PRUNE1: variants seen among roughly 807,000 people sequenced by gnomAD.
PRUNE1 encodes exopolyphosphatase PRUNE1.
In PRUNE1, 25 loss-of-function variants were observed where a neutral mutation model predicts 42.5. The observed-to-expected ratio is 0.59, with a 90% CI of 0.43 to 0.82. The LOEUF (loss-of-function observed/expected upper bound fraction) is 0.82. PRUNE1 is among the 40% of genes least tolerant of loss of function. The pLI is 0.00. For missense variants in PRUNE1, 443 were observed against 539.3 expected (o/e 0.82, Z 1.77); for synonymous variants, 203 against 217.1 (o/e 0.93, Z 0.57).
intron 1 of PRUNE1, among the ~76,000 whole-genome samples, chr1:151,015,505 G>A (rs1467092747): frequency 6.6e-6 from 1 of 151,372 alleles, no homozygotes; most frequent in African/African-American, 2.4e-5. Context: ...ATGGTGGCAT[G>A]TGCCTGTAAT....
intron 7 of PRUNE1, among the ~76,000 whole-genome samples, chr1:151,032,244 CA>C (rs11452561): frequency 0.072 from 10,363 of 144,664 alleles, 1,134 homozygotes; most frequent in African/African-American, 0.24. Flanking sequence ...GAATCCATTT[CA>C]AAAAAAAAAA....
intron 6 of PRUNE1, among the ~76,000 whole-genome samples, chr1:151,027,786 G>GCGCA (rs1553254129): frequency 5.5e-5 from 8 of 146,742 alleles, no homozygotes; most frequent in African/African-American, 2.0e-4. Flanking sequence ...GTGTGTGCGC[G>GCGCA]CGCGTGTATG....
intron 3 of PRUNE1, among the ~76,000 whole-genome samples, chr1:151,022,453 C>A (rs1348988385): frequency 7.7e-6 from 1 of 129,330 alleles, no homozygotes; most frequent in Non-Finnish European, 1.6e-5. Context: ...TAGTCTCGCT[C>A]TGTCGCCCAG....
rs148392030 is a variant in PRUNE1, at chr1:151,034,537, G to T, written c.*303G>T. On this transcript the variant is annotated 3_prime_UTR_variant, in exon 8 of 8. Coordinates refer to ENST00000271620, the MANE Select transcript of PRUNE1 (RefSeq NM_021222.3). ...CAGTCCCAGCACAGTGGGACAAAAA[G>T]AATTTAGACCCCAAAAGTGTCCTCG... 9.2e-4 allele frequency: 304 copies of T among 328,738 alleles called. No homozygotes were observed. Among genetic ancestry groups the T allele is most frequent in the African/African-American group, 5.8e-3 (282 of 48,498 alleles). The allele number at this position is 328,738 out of a possible 1,614,324, so 20.4% of individuals were successfully genotyped here.
intron 3 of PRUNE1, among the ~76,000 whole-genome samples, chr1:151,018,984 A>G (rs587753725): frequency 6.6e-6 from 1 of 152,328 alleles, no homozygotes; most frequent in South Asian, 2.1e-4. Context: ...TGGTGGTTGC[A>G]GTGAGCCGAG....
At chr1:151,029,517 G>A (rs910364144) in intron 7 of PRUNE1, among the ~76,000 whole-genome samples, 4 of 151,464 alleles carry the variant, frequency 2.6e-5, no homozygotes, top group Admixed American at 6.6e-5. Flanking sequence ...ACAGGCGCCC[G>A]CCACCACGCC....
intron 6 of PRUNE1, among the ~76,000 whole-genome samples, chr1:151,027,745 C>CGTGTG: frequency 1.6e-5 from 2 of 126,078 alleles, no homozygotes; most frequent in South Asian, 6.8e-4. Context: ...CCACACCTAA[C>CGTGTG]TAGTGTGTGT....
At chr1:151,029,365 G>GTTTTTTT (rs34073279) in intron 7 of PRUNE1, among the ~76,000 whole-genome samples, 1 of 85,826 alleles carries the variant, frequency 1.2e-5, no homozygotes, top group African/African-American at 3.8e-5. Context: ...AAGCTGGAAA[G>GTTTTTTT]TTTTTTTTTT....
At chr1:151,019,686 A>G (rs1674305169) in intron 3 of PRUNE1, among the ~76,000 whole-genome samples, 1 of 151,324 alleles carries the variant, frequency 6.6e-6, no homozygotes, top group Non-Finnish European at 1.5e-5. Context: ...TTTTTTTTAG[A>G]GAAGAGGGTC....
intron 1 of PRUNE1, among the ~76,000 whole-genome samples, chr1:151,012,770 T>C (rs1382383813): frequency 1.3e-5 from 2 of 151,932 alleles, no homozygotes; most frequent in Non-Finnish European, 2.9e-5. Flanking sequence ...ATTATTCTCA[T>C]TTTTTTTGTT....
chr1:151,016,586 C>T (rs1674115486), intron 1 of PRUNE1, among the ~76,000 whole-genome samples: 2 of 151,992 alleles, frequency 1.3e-5, no homozygotes, highest in East Asian at 3.9e-4. Flanking sequence ...ACTGCAACCT[C>T]CGTCTGCCGG....
At chr1:151,031,799 T>C (rs1382643188) in intron 7 of PRUNE1, among the ~76,000 whole-genome samples, 4 of 152,200 alleles carry the variant, frequency 2.6e-5, no homozygotes, top group Non-Finnish European at 5.9e-5. Context: ...ATTTATACAC[T>C]TGGAAACGAC....
Position 151,008,549 on chromosome 1 carries a change from C to T in PRUNE1, c.-84C>T. 1 of 1,526,314 alleles carries T rather than the reference C, an allele frequency of 6.6e-7. No homozygotes were observed. The highest frequency in any genetic ancestry group is 9.1e-7 in the Non-Finnish European group (1 of 1,100,296). The allele number at this position is 1,526,314 out of a possible 1,614,324, so 94.5% of individuals were successfully genotyped here. A position where few individuals can be genotyped will look rare whatever the true frequency, so the allele number is the denominator to read the frequency against. On this transcript the variant is annotated 5_prime_UTR_variant, in exon 1 of 8. Transcript: ENST00000271620. The stretch of plus-strand genomic sequence containing the variant: ...TGGCCTCTAGTCCCTGAGTCCCGGG[C>T]GGGCTGCATTCGTCGGGGAAACCTC...
In PRUNE1 at chr1:151,029,171, T is replaced by TAGC. The variant is rs932767342; in HGVS notation, c.933+229_933+231dup. Among the ~76,000 whole-genome samples the TAGC allele has an allele frequency of 1.1e-4, 16 of 151,188 alleles. No individual in the cohort carries two copies. The East Asian group carries it at 3.1e-3, about 29-fold the overall frequency. On this transcript the variant is annotated intron_variant, in intron 7 of 7. Coordinates refer to ENST00000271620, the MANE Select transcript of PRUNE1 (RefSeq NM_021222.3). The stretch of plus-strand genomic sequence containing the variant: ...TTTTTTTAATGAACATCCTTAATCA[T>TAGC]AGCATTGTTGAGAAAGGGGGAATTC...
At position 151,028,794 on chromosome 1, in the gene PRUNE1, G is replaced by T. The variant is rs934070768; in HGVS notation, c.783G>T (p.Leu261=). The change falls in exon 7 of 8, where the codon CTG becomes CTT. Residue 261 remains leucine, a synonymous_variant. Coordinates refer to ENST00000271620, the MANE Select transcript of PRUNE1 (RefSeq NM_021222.3). ...CGTTTCTTCCCTTTCAGGCCTTTCT[G>T]CAGAGGTCTAACCTCCTTGCAGATC... ...SAIYMDLEAF[L]QRSNLLADLH... is the part of the protein sequence containing the mutation. 1.9e-6 allele frequency: 3 copies of T among 1,613,648 alleles called. No individual in the cohort carries two copies. Among genetic ancestry groups the T allele is most frequent in the Non-Finnish European group, 8.5e-7 (1 of 1,179,842 alleles).
At chr1:151,015,780 G>C (rs1004397778) in intron 1 of PRUNE1, among the ~76,000 whole-genome samples, 5 of 152,064 alleles carry the variant, frequency 3.3e-5, no homozygotes, top group African/African-American at 7.2e-5. Context: ...TCCAGCCTGG[G>C]TTACAGAGTG....
intron 5 of PRUNE1, 90 bp downstream of exon 5, chr1:151,025,763 CAG>C (rs1674795267): frequency 1.5e-6 from 2 of 1,295,492 alleles, no homozygotes; most frequent in Non-Finnish European, 2.1e-6. Flanking sequence ...TTTTTTGAGA[CAG>C]AGTCTTGCTC....
chr1:151,025,679 A>G lies in PRUNE1; in HGVS notation c.679+6A>G. ...GGCAAAGTTTGATGTATCAGGTATG[A>G]AATGTTAGCTGACTTTTCTGCCTCC... On this transcript the variant is annotated splice_donor_region_variant and intron_variant, in intron 5 of 7. Transcript: ENST00000271620. The G allele has an allele frequency of 6.2e-7, 1 of 1,607,816 alleles. No individual in the cohort carries two copies. The highest frequency in any genetic ancestry group is 8.5e-7 in the Non-Finnish European group (1 of 1,177,132).
At chr1:151,026,623 C>CA (rs587668739) in intron 5 of PRUNE1, among the ~76,000 whole-genome samples, 13 of 150,884 alleles carry the variant, frequency 8.6e-5, no homozygotes, top group Admixed American at 3.3e-4. Flanking sequence ...GAAGAGAACC[C>CA]AAAAAAAACT....
Sources: gnomAD v4.1 joint callset for allele counts (sites outside exome capture counted in the v4.1 genomes callset) on GRCh38, gnomAD v4.1.1 for gene constraint, MANE v1.5 for transcripts, NCBI Gene and HGNC (gene_info 2026-07-23, HGNC 2026-07-21) for gene names.